The following AKT3 variants were observed in gnomAD, a reference collection of about 807,000 sequenced individuals.
The protein encoded by AKT3 is AKT serine/threonine kinase 3.
A neutral mutation model predicts 65.3 loss-of-function variants in AKT3; 15 were observed. The observed-to-expected ratio is 0.23, with a 90% CI of 0.15 to 0.35. The LOEUF (loss-of-function observed/expected upper bound fraction) is 0.35, where lower values mean the gene tolerates loss of function less well. AKT3 is among the 10% of genes least tolerant of loss of function. AKT3 has a pLI of 1.00. For missense variants in AKT3, 243 were observed against 576.5 expected (o/e 0.42, Z 5.92); for synonymous variants, 206 against 183.8 (o/e 1.12, Z -0.98).
intron 1 of AKT3, among the ~76,000 whole-genome samples, chr1:243,844,164 C>T (rs931343234): frequency 6.6e-5 from 10 of 152,160 alleles, no homozygotes; most frequent in Admixed American, 5.9e-4. Flanking sequence ...CGGGTACTTA[C>T]ATCTATTATT....
chr1:243,653,037 A>C (rs914625709), intron 4 of AKT3, among the ~76,000 whole-genome samples: 4 of 148,970 alleles, frequency 2.7e-5, no homozygotes, highest in Non-Finnish European at 6.0e-5. Flanking sequence ...AAAACCCTTC[A>C]AAAAAAAAAT....
chr1:243,723,740 G>C (rs1304922499), intron 2 of AKT3, among the ~76,000 whole-genome samples: 3 of 152,014 alleles, frequency 2.0e-5, no homozygotes, highest in Non-Finnish European at 2.9e-5. Context: ...CTTGGGTAGA[G>C]ATCCTGTCTC....
chr1:243,621,385 A>C (rs777313844), intron 6 of AKT3, among the ~76,000 whole-genome samples: 4 of 152,112 alleles, frequency 2.6e-5, no homozygotes, highest in Non-Finnish European at 4.4e-5. Context: ...TAATCTCTTC[A>C]TCTTCCTCCT....
rs1651181039 is a variant in AKT3 at position 243,504,414 on chromosome 1, G to C, written c.*835C>G. On this transcript the variant is annotated 3_prime_UTR_variant, in exon 14 of 14. Coordinates refer to ENST00000673466, the MANE Select transcript of AKT3 (RefSeq NM_005465.7). ...TGTCTACATTCTTCAGCCATCAGAG[G>C]TGATAAATGTCAAGAAGGAAAAAAG... 1 of 193,832 alleles carries C rather than the reference G, an allele frequency of 5.2e-6. No individual in the cohort carries two copies. The highest frequency in any genetic ancestry group is 6.1e-5 in the Admixed American group (1 of 16,390). The allele number at this position is 193,832 out of a possible 1,614,324, so 12.0% of individuals were successfully genotyped here.
intron 4 of AKT3, among the ~76,000 whole-genome samples, chr1:243,654,552 C>A (rs1316297710): frequency 4.6e-5 from 7 of 152,144 alleles, no homozygotes; most frequent in African/African-American, 7.2e-5. Flanking sequence ...CTCCTGGGCT[C>A]AAGTGATCCT....
At chr1:243,656,410 T>A (rs996185505) in intron 4 of AKT3, among the ~76,000 whole-genome samples, 4 of 152,198 alleles carry the variant, frequency 2.6e-5, no homozygotes, top group Non-Finnish European at 5.9e-5. Context: ...TACAGTCTGA[T>A]GGGGGAGCCT....
chr1:243,507,857 C>T (rs2994333), intron 13 of AKT3, among the ~76,000 whole-genome samples: 6,483 of 152,164 alleles, frequency 0.043, 482 homozygotes, highest in African/African-American at 0.15. Flanking sequence ...CCATCAATGG[C>T]GATAACGAAA....
rs75937387 is a variant in AKT3 at position 243,520,901 on chromosome 1, A to C, written c.1252-8475T>G. On this transcript the variant is annotated intron_variant, in intron 12 of 13. Coordinates refer to ENST00000673466, the MANE Select transcript of AKT3 (RefSeq NM_005465.7). ...CACTCTACCATTTACTATCTTCCTA[A>C]AAGTGTCAATGAAAGAACAAAGAGA... Among the ~76,000 whole-genome samples the C allele has an allele frequency of 7.1e-3, 1,079 of 152,298 alleles. 10 individuals carry two copies. Among genetic ancestry groups the C allele is most frequent in the African/African-American group, 0.024 (1,018 of 41,554 alleles).
intron 8 of AKT3, 126 bp from the exon 9 acceptor site, chr1:243,573,174 G>A (rs1040060214): frequency 2.6e-6 from 3 of 1,132,500 alleles, no homozygotes; most frequent in Non-Finnish European, 3.7e-6. Flanking sequence ...AGTGGACACT[G>A]AGCACTCTTA....
chr1:243,632,497 G>T (rs936573680), intron 6 of AKT3, among the ~76,000 whole-genome samples: 2 of 152,178 alleles, frequency 1.3e-5, no homozygotes, highest in Admixed American at 1.3e-4. Flanking sequence ...ACTGATAAGA[G>T]AACAGGCAGT....
At chr1:243,782,037 G>A (rs919440365) in intron 2 of AKT3, among the ~76,000 whole-genome samples, 8 of 152,186 alleles carry the variant, frequency 5.3e-5, no homozygotes, top group African/African-American at 4.8e-5. Context: ...TGTTCAGCCT[G>A]GTCTCAAATT....
intron 2 of AKT3, among the ~76,000 whole-genome samples, chr1:243,784,078 C>T (rs1388557393): frequency 6.6e-6 from 1 of 152,012 alleles, no homozygotes; most frequent in Non-Finnish European, 1.5e-5. Context: ...AAAAAAGATG[C>T]TGATAAATGC....
At chr1:243,608,058 C>A (rs953433080) in intron 8 of AKT3, among the ~76,000 whole-genome samples, 4 of 152,150 alleles carry the variant, frequency 2.6e-5, no homozygotes, top group African/African-American at 9.7e-5. Context: ...TGGGGCAGTT[C>A]TTTTCAGCAG....
chr1:243,600,243 C>G (rs1676912950), intron 8 of AKT3, among the ~76,000 whole-genome samples: 1 of 151,982 alleles, frequency 6.6e-6, no homozygotes, highest in Non-Finnish European at 1.5e-5. Flanking sequence ...CCAAATTGAT[C>G]AACAGATTTA....
intron 2 of AKT3, among the ~76,000 whole-genome samples, chr1:243,731,144 T>C (rs1687537672): frequency 6.6e-6 from 1 of 152,210 alleles, no homozygotes; most frequent in Non-Finnish European, 1.5e-5. Context: ...GACATTTCGA[T>C]TATTTCTGCT....
At chr1:243,835,048 T>G (rs1184696974) in intron 2 of AKT3, among the ~76,000 whole-genome samples, 1 of 152,120 alleles carries the variant, frequency 6.6e-6, no homozygotes, top group Admixed American at 6.5e-5. Flanking sequence ...TAACCCTACA[T>G]AGACTGTAAT....
At chr1:243,489,872 G>A (rs1665956265) in intron 13 of AKT3, among the ~76,000 whole-genome samples, 1 of 152,196 alleles carries the variant, frequency 6.6e-6, no homozygotes, top group South Asian at 2.1e-4. Context: ...AGGAAGGAAA[G>A]TGTCCCGGTG....
intron 2 of AKT3, among the ~76,000 whole-genome samples, chr1:243,770,154 C>T (rs1690088048): frequency 6.6e-6 from 1 of 152,116 alleles, no homozygotes; most frequent in African/African-American, 2.4e-5. Flanking sequence ...AATTATATTC[C>T]ATTGATCTAC....
chr1:243,664,798 T>C lies in AKT3; in HGVS notation c.258A>G (p.Thr86=). 6.5e-7 allele frequency: 1 copy of C among 1,546,766 alleles called. No homozygotes were observed. The highest frequency in any genetic ancestry group is 8.7e-7 in the Non-Finnish European group (1 of 1,153,068). ...CLQWTTVIER[T]FHVDTPEERE... ...TTTCCTCTGGAGTATCTACATGAAA[T>C]GTTCTCTCTATAACAGTAGTCCACT... The change falls in exon 4 of 14, where the codon ACA becomes ACG. Residue 86 remains threonine, a synonymous_variant. Coordinates refer to ENST00000673466, the MANE Select transcript of AKT3 (RefSeq NM_005465.7).
Sources: allele counts gnomAD v4.1 joint callset (sites outside exome capture counted in the v4.1 genomes callset), GRCh38; gene constraint gnomAD v4.1.1; transcripts MANE v1.5; gene names NCBI Gene and HGNC (gene_info 2026-07-23, HGNC 2026-07-21).